NOX4: variants seen among roughly 807,000 people sequenced by gnomAD.
NOX4 encodes the protein NADPH oxidase 4.
Under a neutral mutation model 87.6 loss-of-function variants are expected in NOX4, and 69 were observed. The ratio of observed to expected loss-of-function variants is 0.79; its 90% confidence interval spans 0.65 to 0.96. The LOEUF (loss-of-function observed/expected upper bound fraction) is 0.96. Among genes scored for constraint, NOX4 ranks in the 40% least tolerant of loss-of-function variants. NOX4 has a pLI of 0.00. For synonymous variants in NOX4, 275 were observed against 238.2 expected, an observed-to-expected ratio of 1.15 and a Z score of -1.42; for missense variants, 680 against 681.5, an observed-to-expected ratio of 1.00 and a Z score of 0.02.
upstream of NOX4, among the ~76,000 whole-genome samples, chr11:89,500,742 G>A (rs1189955744): frequency 6.6e-6 from 1 of 152,088 alleles, no homozygotes; most frequent in Non-Finnish European, 1.5e-5. Flanking sequence ...GAAGAAATAA[G>A]ATATTAAAAA....
chr11:89,486,466 G>A (rs951373165), intron 2 of NOX4, among the ~76,000 whole-genome samples: 1 of 98,026 alleles, frequency 1.0e-5, no homozygotes, highest in Non-Finnish European at 2.1e-5. Flanking sequence ...GCTAATATAT[G>A]TGTGTGTGTG....
the NOX4 span, among the ~76,000 whole-genome samples, chr11:89,587,779 A>G: frequency 6.6e-6 from 1 of 152,178 alleles, no homozygotes; most frequent in African/African-American, 2.4e-5. Flanking sequence ...ATCTCTACCA[A>G]TATAAATAAT....
At chr11:89,528,564 G>T in the NOX4 span, among the ~76,000 whole-genome samples, 1 of 152,132 alleles carries the variant, frequency 6.6e-6, no homozygotes, top group Non-Finnish European at 1.5e-5. Context: ...TCTCATAATA[G>T]TAAGTGAGTT....
chr11:89,484,092 T>C lies in NOX4; in HGVS notation c.153+6366A>G, dbSNP rs1434776882. ...AAGCTCTTAGACTAAAGTCTAGTAT[T>C]AGCCAGTTATCACTGAGCACAATCT... On this transcript the variant is annotated intron_variant, in intron 2 of 17. Coordinates refer to ENST00000263317, the MANE Select transcript of NOX4 (RefSeq NM_016931.5). 2.0e-5 allele frequency among the ~76,000 whole-genome samples: 3 copies of C among 152,238 alleles called. No homozygotes were observed. In the South Asian group the frequency reaches 6.2e-4, roughly 32 times the overall value.
chr11:89,436,664 T>C (rs1944096070), intron 6 of NOX4, among the ~76,000 whole-genome samples: 1 of 152,178 alleles, frequency 6.6e-6, no homozygotes. Context: ...AATATACCAT[T>C]ATCTATTCAT....
At chr11:89,465,304 G>C (rs1427311057) in intron 2 of NOX4, among the ~76,000 whole-genome samples, 3 of 151,474 alleles carry the variant, frequency 2.0e-5, no homozygotes, top group Non-Finnish European at 4.4e-5. Flanking sequence ...TCCCTGCAAA[G>C]GACATGAACT....
chr11:89,437,467 T>C (rs1184936897), intron 6 of NOX4, among the ~76,000 whole-genome samples: 1 of 152,090 alleles, frequency 6.6e-6, no homozygotes. Flanking sequence ...CCTTAGGAGC[T>C]CCAGACTCAC....
intron 13 of NOX4, among the ~76,000 whole-genome samples, chr11:89,353,488 G>T (rs1193519860): frequency 6.6e-6 from 1 of 152,044 alleles, no homozygotes; most frequent in Non-Finnish European, 1.5e-5. Context: ...TTAATTAAGG[G>T]ATGTACATAG....
intron 8 of NOX4, among the ~76,000 whole-genome samples, chr11:89,404,652 C>T (rs1942065662): frequency 1.3e-5 from 2 of 151,960 alleles, no homozygotes. Flanking sequence ...AAATAATACC[C>T]CAGTGTCACA....
rs180893460 is a variant in NOX4 at position 89,458,693 on chromosome 11, T to A, written c.154-6798A>T. Among the ~76,000 whole-genome samples, 257 of 152,202 alleles carry A rather than the reference T, an allele frequency of 1.7e-3. 3 individuals are homozygous for A. The highest frequency in any genetic ancestry group is 0.017 in the South Asian group (80 of 4,826). ...AAGACATACAGCTGGCCAACAAGCATATGAAAACAATATTCAACATCACTA... is the reference window on the plus strand; with the variant it reads ...AAGACATACAGCTGGCCAACAAGCAAATGAAAACAATATTCAACATCACTA... On this transcript the variant is annotated intron_variant, in intron 2 of 17. Transcript: ENST00000263317.
chr11:89,446,532 C>A (rs902229894), intron 4 of NOX4, among the ~76,000 whole-genome samples: 2 of 151,742 alleles, frequency 1.3e-5, no homozygotes, highest in African/African-American at 4.8e-5. Context: ...ATATTATTTA[C>A]CACTATAAAA....
chr11:89,478,973 C>A (rs1482912889), intron 2 of NOX4, among the ~76,000 whole-genome samples: 2 of 150,862 alleles, frequency 1.3e-5, no homozygotes, highest in Non-Finnish European at 2.9e-5. Context: ...ACACTCCAGC[C>A]TGGGCAACAT....
the NOX4 span, among the ~76,000 whole-genome samples, chr11:89,546,457 T>C: frequency 6.6e-6 from 1 of 152,172 alleles, no homozygotes; most frequent in Non-Finnish European, 1.5e-5. Flanking sequence ...TGTTGCAGGA[T>C]AAGAGCTGGG....
chr11:89,439,008 A>G, intron 6 of NOX4, among the ~76,000 whole-genome samples: 1 of 112,226 alleles, frequency 8.9e-6, no homozygotes, highest in Non-Finnish European at 1.7e-5. Context: ...AATATTAGTA[A>G]TATTAGTATA....
intron 8 of NOX4, among the ~76,000 whole-genome samples, chr11:89,409,203 C>T (rs1709351710): frequency 6.6e-6 from 1 of 152,098 alleles, no homozygotes. Context: ...TCAGAAAGTA[C>T]TATACTGAAA....
rs577329102 is a variant in NOX4 at position 89,440,825 on chromosome 11, T to C, written c.448-110A>G. ...ACCACATACTTGTCATGTAAAATACTGTTCATCCAACGGAAGTGAGAAAGA... is the reference window on the plus strand; with the variant it reads ...ACCACATACTTGTCATGTAAAATACCGTTCATCCAACGGAAGTGAGAAAGA... On this transcript the variant is annotated intron_variant, in intron 5 of 17. Coordinates refer to ENST00000263317, the MANE Select transcript of NOX4 (RefSeq NM_016931.5). 9.2e-6 allele frequency: 5 copies of C among 544,444 alleles called. No individual in the cohort carries two copies. In the South Asian group the frequency reaches 1.5e-4, roughly 16 times the overall value. The allele number at this position is 544,444 out of a possible 1,614,324, so 33.7% of individuals were successfully genotyped here.
rs565117904 is a variant in NOX4 at position 89,370,059 on chromosome 11, T to G, written c.1135+3373A>C. Among the ~76,000 whole-genome samples the G allele has an allele frequency of 3.3e-5, 5 of 152,176 alleles. No homozygotes were observed. The South Asian group carries it at 1.0e-3, about 32-fold the overall frequency. ...ACAAATAAGAGAGTTATCAACTCTT[T>G]TGTGGCCCAGTCCTTAACTAAACCT... On this transcript the variant is annotated intron_variant, in intron 12 of 17. Coordinates refer to ENST00000263317, the MANE Select transcript of NOX4 (RefSeq NM_016931.5).
At chr11:89,489,503 G>A (rs1474960419) in intron 2 of NOX4, among the ~76,000 whole-genome samples, 2 of 151,954 alleles carry the variant, frequency 1.3e-5, no homozygotes, top group South Asian at 2.1e-4. Context: ...TGAGGCAGGC[G>A]GATCACTTGA....
intron 11 of NOX4, among the ~76,000 whole-genome samples, chr11:89,375,186 A>G (rs1372047270): frequency 2.0e-5 from 3 of 152,230 alleles, no homozygotes; most frequent in African/African-American, 7.2e-5. Context: ...TGCTAACAGT[A>G]GTATAAAATA....
Sources: gnomAD v4.1 joint callset for allele counts (sites outside exome capture counted in the v4.1 genomes callset) on GRCh38, gnomAD v4.1.1 for gene constraint, MANE v1.5 for transcripts, NCBI Gene and HGNC (gene_info 2026-07-23, HGNC 2026-07-21) for gene names.